ZMAT4: variants seen among roughly 807,000 people sequenced by gnomAD.
ZMAT4 encodes the protein zinc finger matrin-type protein 4.
ZMAT4 carries 17 observed loss-of-function variants against 28.7 expected under a neutral mutation model. The observed-to-expected ratio is 0.59, with a 90% CI of 0.41 to 0.89. The LOEUF (loss-of-function observed/expected upper bound fraction) is 0.89, where lower values mean the gene tolerates loss of function less well. Among genes scored for constraint, ZMAT4 ranks in the 40% least tolerant of loss-of-function variants. The probability of loss-of-function intolerance (pLI) is 0.00; values close to 1 mark genes in which losing one functional copy is unlikely to be tolerated. For synonymous variants in ZMAT4, 117 were observed against 109.2 expected (o/e 1.07, Z -0.44); for missense variants, 240 against 283.8 (o/e 0.85, Z 1.11).
intron 6 of ZMAT4, among the ~76,000 whole-genome samples, chr8:40,542,948 G>GTTTC: frequency 6.6e-6 from 1 of 152,300 alleles, no homozygotes; most frequent in East Asian, 1.9e-4. Context: ...AATGCCTGTG[G>GTTTC]CCTGGCCAAC....
At chr8:40,736,027 T>C (rs1326238659) in intron 3 of ZMAT4, among the ~76,000 whole-genome samples, 1 of 152,146 alleles carries the variant, frequency 6.6e-6, no homozygotes, top group Non-Finnish European at 1.5e-5. Flanking sequence ...GACAAGTAAA[T>C]GTCTCAGTAG....
intron 3 of ZMAT4, among the ~76,000 whole-genome samples, chr8:40,754,183 G>A: frequency 6.6e-6 from 1 of 150,906 alleles, no homozygotes. Flanking sequence ...AAAAAAAAAA[G>A]AAAAAAGGTT....
intron 5 of ZMAT4, among the ~76,000 whole-genome samples, chr8:40,670,534 C>T (rs538006831): frequency 6.6e-6 from 1 of 152,056 alleles, no homozygotes; most frequent in Admixed American, 6.5e-5. Context: ...GTTAAGTTAG[C>T]CTCCCAAAAT....
intron 1 of ZMAT4, among the ~76,000 whole-genome samples, chr8:40,887,394 C>G (rs1483812041): frequency 6.8e-6 from 1 of 146,618 alleles, no homozygotes; most frequent in African/African-American, 2.6e-5. Flanking sequence ...GAGGCTGAGA[C>G]AAGAGAATTG....
chr8:40,868,821 G>T (rs567853398), intron 1 of ZMAT4, among the ~76,000 whole-genome samples: 1 of 152,168 alleles, frequency 6.6e-6, no homozygotes, highest in Non-Finnish European at 1.5e-5. Context: ...ACACCAGCCA[G>T]CCTCCCTGAC....
intron 2 of ZMAT4, chr8:40,786,573 A>T (rs1055492136): frequency 1.4e-6 from 1 of 694,558 alleles, no homozygotes; most frequent in Middle Eastern, 3.7e-4. Flanking sequence ...TGCTACCAAA[A>T]CAAAGAACAG....
intron 1 of ZMAT4, among the ~76,000 whole-genome samples, chr8:40,854,571 T>A (rs2150638330): frequency 6.6e-6 from 1 of 151,986 alleles, no homozygotes. Context: ...ATTCCAGGAG[T>A]CCAGTCTTTC....
chr8:40,565,185 G>A (rs996741130), intron 6 of ZMAT4, among the ~76,000 whole-genome samples: 1 of 152,032 alleles, frequency 6.6e-6, no homozygotes, highest in Non-Finnish European at 1.5e-5. Flanking sequence ...TTACTTAATA[G>A]CAATGAAATA....
At chr8:40,881,606 AAGAAAAGAG>A (rs1214104374) in intron 1 of ZMAT4, among the ~76,000 whole-genome samples, 19 of 146,942 alleles carry the variant, frequency 1.3e-4, no homozygotes, top group Non-Finnish European at 1.5e-5. Flanking sequence ...AAGAAAAGAA[AAGAAAAGAG>A]AGAGAGAAAG....
chr8:40,702,075 G>T (rs1050343261), intron 3 of ZMAT4, among the ~76,000 whole-genome samples: 4 of 152,216 alleles, frequency 2.6e-5, no homozygotes, highest in African/African-American at 7.2e-5. Flanking sequence ...CTTGCTTTCG[G>T]TCACCGTGTG....
intron 2 of ZMAT4, among the ~76,000 whole-genome samples, chr8:40,802,556 T>C (rs1814896060): frequency 1.3e-5 from 2 of 151,942 alleles, no homozygotes; most frequent in African/African-American, 4.8e-5. Flanking sequence ...ATGAAGAAAA[T>C]CAAAGATGAA....
At chr8:40,562,206 C>A (rs547812913) in intron 6 of ZMAT4, among the ~76,000 whole-genome samples, 1 of 152,292 alleles carries the variant, frequency 6.6e-6, no homozygotes, top group Admixed American at 6.5e-5. Flanking sequence ...AAACACCATT[C>A]CATCAAAAGC....
intron 1 of ZMAT4, among the ~76,000 whole-genome samples, chr8:40,883,138 C>A (rs915853105): frequency 4.6e-5 from 7 of 152,192 alleles, no homozygotes; most frequent in Non-Finnish European, 1.0e-4. Context: ...GGCACCCTTG[C>A]TGAGGCTCCC....
chr8:40,871,795 C>T (rs1461775124), intron 1 of ZMAT4, among the ~76,000 whole-genome samples: 9 of 152,320 alleles, frequency 5.9e-5, no homozygotes, highest in Middle Eastern at 3.4e-3. Flanking sequence ...TCTTCCACCA[C>T]GTGGCTCATT....
intron 5 of ZMAT4, among the ~76,000 whole-genome samples, chr8:40,608,617 C>G (rs2118646700): frequency 6.6e-6 from 1 of 152,256 alleles, no homozygotes; most frequent in East Asian, 1.9e-4. Context: ...CGTGTTCAGT[C>G]AGAATTGTTA....
intron 5 of ZMAT4, among the ~76,000 whole-genome samples, chr8:40,600,882 G>C (rs1213971717): frequency 6.6e-6 from 1 of 152,034 alleles, no homozygotes; most frequent in Admixed American, 6.6e-5. Context: ...GAACCCACTG[G>C]GCAGAAAATA....
At chr8:40,610,192 AG>A (rs1463598642) in intron 5 of ZMAT4, among the ~76,000 whole-genome samples, 5 of 152,230 alleles carry the variant, frequency 3.3e-5, no homozygotes, top group African/African-American at 1.2e-4. Context: ...GAATGTGAAA[AG>A]CTTTCGTTTA....
At chr8:40,762,656 T>TA (rs2150557322) in intron 3 of ZMAT4, among the ~76,000 whole-genome samples, 1 of 151,780 alleles carries the variant, frequency 6.6e-6, no homozygotes, top group African/African-American at 2.4e-5. Flanking sequence ...ACCCCATCTC[T>TA]AAAAATAAAA....
intron 2 of ZMAT4, among the ~76,000 whole-genome samples, chr8:40,807,079 A>G (rs1815112904): frequency 6.6e-6 from 1 of 150,394 alleles, no homozygotes; most frequent in Non-Finnish European, 1.5e-5. Flanking sequence ...TCCCAGAGTG[A>G]ATATGCCCAG....
Sources: allele counts gnomAD v4.1 joint callset (sites outside exome capture counted in the v4.1 genomes callset), GRCh38; gene constraint gnomAD v4.1.1; transcripts MANE v1.5; gene names NCBI Gene and HGNC (gene_info 2026-07-23, HGNC 2026-07-21).